ANK1: variants seen among roughly 807,000 people sequenced by gnomAD.
ANK1 encodes ankyrin-1.
In ANK1, 51 loss-of-function variants were observed where a neutral mutation model predicts 210.4. The ratio of observed to expected loss-of-function variants is 0.24; its 90% CI spans 0.19 to 0.31. The LOEUF (loss-of-function observed/expected upper bound fraction) is 0.31, where lower values mean the gene tolerates loss of function less well. Among genes scored for constraint, ANK1 ranks in the 10% least tolerant of loss-of-function variants. ANK1 has a pLI of 1.00. For missense variants in ANK1, 2,051 were observed against 2,504.4 expected (o/e 0.82, Z 3.86); for synonymous variants, 967 against 1,025.9 (o/e 0.94, Z 1.10).
intron 37 of ANK1, among the ~76,000 whole-genome samples, chr8:41,680,598 G>A (rs936403721): frequency 1.3e-5 from 2 of 150,838 alleles, no homozygotes; most frequent in African/African-American, 2.4e-5. Flanking sequence ...TGGATACAGA[G>A]AGCACATGTA....
chr8:41,661,526 T>C lies in ANK1; in HGVS notation c.5583A>G (p.Ile1861Met), dbSNP rs1301102056. 6.2e-6 allele frequency: 10 copies of C among 1,613,948 alleles called. No homozygotes were observed. Among genetic ancestry groups the C allele is most frequent in the Non-Finnish European group, 8.5e-6 (10 of 1,180,024 alleles). The change falls in exon 42 of 43, where the codon ATA becomes ATG. Residue 1861 changes from isoleucine to methionine, a missense_variant. Physicochemically the swap from Ile to Met is conservative, Grantham distance 10 (BLOSUM62 1). Around this residue, in one of 6 missense-constraint regions of ANK1, gnomAD observed 496 missense variants for 533.4 expected, o/e 0.93. Coordinates refer to ENST00000289734, the MANE Select transcript of ANK1 (RefSeq NM_000037.4). ...CTATCTGCGCCCCCTTCCTGCCCTC[T>C]ATCAGGTCCGGCTGTAGGCCACTCC... ...LRGSGLQPDL[I>M]EGRKGAQIVK...
At chr8:41,683,032 A>G (rs1816559645) in intron 37 of ANK1, among the ~76,000 whole-genome samples, 1 of 146,982 alleles carries the variant, frequency 6.8e-6, no homozygotes, top group South Asian at 2.1e-4. Flanking sequence ...AGCAACACCC[A>G]CGGACACACA....
In ANK1 at chr8:41,694,918, G is replaced by A; in HGVS notation, c.3116-115C>T. On this transcript the variant is annotated intron_variant, in intron 27 of 42. Transcript: ENST00000289734. This position sits in a 1 kb window ranked among gnomAD's most constrained non-coding sequence, Gnocchi z 5.7. ...CCCAGTGCACACACCCTCCCCAGGT[G>A]CCGGGCGGCATAGTGGCCAGAAGAA... is the stretch of plus-strand genomic sequence containing the variant. 1 of 1,209,058 alleles carries A rather than the reference G, an allele frequency of 8.3e-7. No homozygotes were observed. Among genetic ancestry groups the A allele is most frequent in the Non-Finnish European group, 1.2e-6 (1 of 837,028 alleles). 74.9% of individuals were successfully genotyped at this position (1,209,058 alleles called of 1,614,324 possible).
At chr8:41,828,029 T>C (rs2150795095) in intron 1 of ANK1, 1 of 151,890 alleles carries the variant, frequency 6.6e-6, no homozygotes, top group Middle Eastern at 3.4e-3. Context: ...CCCCCACTGT[T>C]TGCAACTCTC....
intron 1 of ANK1, among the ~76,000 whole-genome samples, chr8:41,780,255 G>A (rs898432603): frequency 2.0e-5 from 3 of 152,074 alleles, no homozygotes; most frequent in Non-Finnish European, 4.4e-5. Context: ...CCCAGTCTGG[G>A]TTCAAGCAAT....
At position 41,804,015 on chromosome 8, in the gene ANK1, T is replaced by C. The variant is rs141151612; in HGVS notation, c.127-45878A>G. ...TGCTGCATAACAAAGTAGCCCCCAATTGTGCTGATTAAAATACGTAAATTT... is the reference window on the plus strand; with the variant it reads ...TGCTGCATAACAAAGTAGCCCCCAACTGTGCTGATTAAAATACGTAAATTT... On this transcript the variant is annotated intron_variant, in intron 1 of 42. Coordinates refer to the ANK1 transcript ENST00000265709. Among the ~76,000 whole-genome samples, 969 of 152,334 alleles carry C rather than the reference T, an allele frequency of 6.4e-3. 6 individuals are homozygous for C. The highest frequency in any genetic ancestry group is 0.021 in the African/African-American group (864 of 41,558).
chr8:41,892,207 C>G (rs901480989), intron 1 of ANK1, among the ~76,000 whole-genome samples: 6 of 152,040 alleles, frequency 3.9e-5, no homozygotes, highest in Admixed American at 6.6e-5. Context: ...CACCAAGCCT[C>G]CTTGTCAACC....
At chr8:41,789,164 G>A (rs1278093204) in intron 1 of ANK1, 4 of 152,246 alleles carry the variant, frequency 2.6e-5, no homozygotes, top group African/African-American at 9.6e-5. Flanking sequence ...CTGAGAACAA[G>A]AGACTGTGTG....
chr8:41,737,178 A>G (rs1287767301), intron 2 of ANK1, among the ~76,000 whole-genome samples: 1 of 152,122 alleles, frequency 6.6e-6, no homozygotes, highest in African/African-American at 2.4e-5. Context: ...ACGCGTCTGT[A>G]GTCCCAGCTA....
At chr8:41,722,007 AATTTAACT>A in intron 9 of ANK1, among the ~76,000 whole-genome samples, 1 of 152,246 alleles carries the variant, frequency 6.6e-6, no homozygotes, top group Admixed American at 6.5e-5. Context: ...ATTTTCTAAT[AATTTAACT>A]GATAGTAGCA....
intron 1 of ANK1, among the ~76,000 whole-genome samples, chr8:41,789,737 T>C (rs1847227432): frequency 6.6e-6 from 1 of 152,182 alleles, no homozygotes; most frequent in South Asian, 2.1e-4. Flanking sequence ...CTGGGAAACA[T>C]AGGCCAATCA....
chr8:41,688,441 C>T (rs899004928), intron 34 of ANK1, 70 bp downstream of exon 34: 16 of 1,559,038 alleles, frequency 1.0e-5, no homozygotes, highest in East Asian at 6.7e-5. Context: ...CACAGGGCTG[C>T]GGGGAGATGA....
intron 2 of ANK1, among the ~76,000 whole-genome samples, chr8:41,746,263 T>C (rs1836102886): frequency 1.3e-5 from 2 of 152,132 alleles, no homozygotes; most frequent in South Asian, 2.1e-4. Flanking sequence ...TATATGATCT[T>C]GGAATCTAAG....
rs746045906 is a variant in ANK1 at position 41,672,244 on chromosome 8, A to AATTGCACCGGGTTCT, written c.5096+109_5096+110insAGAACCCGGTGCAAT. On this transcript the variant is annotated intron_variant, in intron 38 of 42. Coordinates refer to ENST00000289734, the MANE Select transcript of ANK1 (RefSeq NM_000037.4). ...AATGTATGTGCTCCTGTGCAATTAG[A>AATTGCACCGGGTTCT]ACCCAGGGTCAGGGTTGGCATCGAC... 7.8e-3 allele frequency: 9,464 copies of AATTGCACCGGGTTCT among 1,217,438 alleles called. 315 individuals are homozygous for AATTGCACCGGGTTCT. The African/African-American group carries it at 0.095, about 12-fold the overall frequency. 75.4% of individuals were successfully genotyped at this position (1,217,438 alleles called of 1,614,324 possible). A position where few individuals can be genotyped will look rare whatever the true frequency, so the allele number is the denominator to read the frequency against.
rs1804700728 is a variant in ANK1, at chr8:41,653,369, TA to T, written c.*2420del. The stretch of plus-strand genomic sequence containing the variant: ...AGAAAAGATCCATTTTCATAACAAT[TA>T]AAAAAATCAAGGTAATTTCAAAACT... On this transcript the variant is annotated 3_prime_UTR_variant, in exon 43 of 43. Coordinates refer to ENST00000289734, the MANE Select transcript of ANK1 (RefSeq NM_000037.4). 1 of 152,512 alleles carries T rather than the reference TA, an allele frequency of 6.6e-6. No homozygotes were observed. Among genetic ancestry groups the T allele is most frequent in the South Asian group, 2.1e-4 (1 of 4,820 alleles). The allele number at this position is 152,512 out of a possible 1,614,324, so 9.4% of individuals were successfully genotyped here. A position where few individuals can be genotyped will look rare whatever the true frequency, so the allele number is the denominator to read the frequency against.
chr8:41,847,153 C>A (rs1200458775), intron 1 of ANK1, among the ~76,000 whole-genome samples: 1 of 152,214 alleles, frequency 6.6e-6, no homozygotes, highest in Non-Finnish European at 1.5e-5. Context: ...CTAGCACTGA[C>A]AACAAATGAC....
rs1371753919 is a variant in ANK1, at chr8:41,716,986, G to A, written c.1371C>T (p.Leu457=). The part of the protein sequence containing the change: ...AGHTEVAKYL[L]QNKAKVNAKA... ...TGGCATTGACTTTGGCTTTGTTCTG[G>A]AGTAAATATTTGGCCACTTCCGTGT... Residue 457 remains leucine (L), a synonymous_variant, in exon 13 of 43, where the codon CTC becomes CTT. Transcript: ENST00000289734. The A allele has an allele frequency of 2.5e-6, 4 of 1,614,178 alleles. No homozygotes were observed. In the South Asian group the frequency reaches 4.4e-5, roughly 18 times the overall value.
intron 1 of ANK1, among the ~76,000 whole-genome samples, chr8:41,807,822 T>C (rs558547789): frequency 1.6e-4 from 24 of 150,710 alleles, no homozygotes; most frequent in Non-Finnish European, 2.2e-4. Context: ...TCTCCAAGCA[T>C]CTACAAGGGG....
At chr8:41,717,474 C>G in intron 12 of ANK1, 130 bp downstream of exon 12, 2 of 875,504 alleles carry the variant, frequency 2.3e-6, no homozygotes, top group South Asian at 1.4e-5. Context: ...TGTCCTCCCC[C>G]AGTCTGAAGC....
Sources: allele counts gnomAD v4.1 joint callset (sites outside exome capture counted in the v4.1 genomes callset), GRCh38; gene constraint gnomAD v4.1.1; regional missense constraint gnomAD v4.1.1; non-coding constraint Gnocchi (gnomAD v3.1); transcripts MANE v1.5; gene names NCBI Gene and HGNC (gene_info 2026-07-23, HGNC 2026-07-21).